GPC5: variants seen among roughly 807,000 people sequenced by gnomAD.
GPC5 encodes the protein glypican-5.
GPC5 carries 47 observed loss-of-function variants against 53.9 expected under a neutral mutation model. That is an observed-to-expected ratio of 0.87 (90% CI 0.69 to 1.11). The LOEUF is 1.11. GPC5 is among the 50% of genes most tolerant of loss of function. GPC5 has a pLI of 0.00. For synonymous variants in GPC5, 286 were observed against 263.3 expected, an observed-to-expected ratio of 1.09 and a Z score of -0.84; for missense variants, 748 against 713.1, an observed-to-expected ratio of 1.05 and a Z score of -0.56.
intron 7 of GPC5, among the ~76,000 whole-genome samples, chr13:92,521,351 G>C (rs1053503081): frequency 2.0e-5 from 3 of 152,108 alleles, no homozygotes; most frequent in Non-Finnish European, 4.4e-5. Flanking sequence ...AAAGCCGGAG[G>C]CATCATGCTA....
intron 6 of GPC5, among the ~76,000 whole-genome samples, chr13:92,128,272 A>G (rs2041715913): frequency 6.6e-6 from 1 of 152,148 alleles, no homozygotes; most frequent in African/African-American, 2.4e-5. Context: ...AGCACCTTTT[A>G]TAGAGAGTGG....
chr13:92,013,408 C>T (rs2040679207), intron 6 of GPC5, among the ~76,000 whole-genome samples: 1 of 152,100 alleles, frequency 6.6e-6, no homozygotes, highest in African/African-American at 2.4e-5. Flanking sequence ...GTCAAGTTGC[C>T]TCTCTCCAGT....
At chr13:91,402,665 C>T (rs1877037039) in intron 1 of GPC5, among the ~76,000 whole-genome samples, 2 of 152,134 alleles carry the variant, frequency 1.3e-5, no homozygotes, top group African/African-American at 4.8e-5. Context: ...CAAATCCAGG[C>T]ACATAGTAAG....
intron 2 of GPC5, among the ~76,000 whole-genome samples, chr13:91,556,272 T>A (rs911327638): frequency 2.0e-5 from 3 of 152,042 alleles, no homozygotes; most frequent in Non-Finnish European, 4.4e-5. Flanking sequence ...TTTCTATTGT[T>A]GAGTACCATA....
At chr13:92,355,023 TTAA>T (rs74265258) in intron 7 of GPC5, among the ~76,000 whole-genome samples, 1,583 of 151,626 alleles carry the variant, frequency 0.01, 15 homozygotes, top group Middle Eastern at 0.021. Flanking sequence ...AATTTAATAT[TTAA>T]TAATCTGCAT....
At chr13:91,487,946 G>A (rs72641403) in intron 2 of GPC5, among the ~76,000 whole-genome samples, 14,537 of 142,504 alleles carry the variant, frequency 0.1, 824 homozygotes, top group East Asian at 0.16. Context: ...TTTTTTTTAC[G>A]GGGATACTTA....
intron 5 of GPC5, among the ~76,000 whole-genome samples, chr13:91,867,217 A>G (rs2039095095): frequency 6.6e-6 from 1 of 152,214 alleles, no homozygotes; most frequent in African/African-American, 2.4e-5. Flanking sequence ...CTCTGTCTCA[A>G]AAAAAGAAAA....
At chr13:91,930,010 C>T (rs981233678) in intron 6 of GPC5, among the ~76,000 whole-genome samples, 1 of 151,914 alleles carries the variant, frequency 6.6e-6, no homozygotes, top group African/African-American at 2.4e-5. Flanking sequence ...TATAAGCTAG[C>T]CTTTGATGGC....
At chr13:92,237,994 G>A (rs35647198) in intron 7 of GPC5, among the ~76,000 whole-genome samples, 24,276 of 151,718 alleles carry the variant, frequency 0.16, 2,369 homozygotes, top group Admixed American at 0.22. Context: ...CATCCATGCC[G>A]TACATTCTCA....
intron 7 of GPC5, among the ~76,000 whole-genome samples, chr13:92,693,733 T>C (rs1206421821): frequency 6.6e-6 from 1 of 151,954 alleles, no homozygotes; most frequent in African/African-American, 2.4e-5. Flanking sequence ...TTGGAAAATT[T>C]ACAGCCTGAC....
intron 7 of GPC5, among the ~76,000 whole-genome samples, chr13:92,504,975 TTA>T (rs150662924): frequency 0.046 from 6,896 of 150,378 alleles, 263 homozygotes; most frequent in African/African-American, 0.1. Context: ...CTATATATAT[TTA>T]TATATATATA....
At chr13:92,361,993 T>TA (rs900475778) in intron 7 of GPC5, among the ~76,000 whole-genome samples, 2 of 151,624 alleles carry the variant, frequency 1.3e-5, no homozygotes, top group African/African-American at 2.4e-5. Flanking sequence ...TAGGCACATT[T>TA]AAAAAAATCC....
At chr13:92,788,698 A>G (rs921537384) in intron 7 of GPC5, among the ~76,000 whole-genome samples, 6 of 152,186 alleles carry the variant, frequency 3.9e-5, no homozygotes, top group African/African-American at 1.4e-4. Flanking sequence ...TAATACAGAA[A>G]GCAAACATCA....
rs537519086 is a variant in GPC5, at chr13:91,434,903, G to A, written c.164-13858G>A. On this transcript the variant is annotated intron_variant, in intron 1 of 7. Coordinates refer to ENST00000377067, the MANE Select transcript of GPC5 (RefSeq NM_004466.6). ...AGTTCTCCTTGAAGAGGTCCTTCACGTCCCTTGTAAGTTGGATTCCTAGGT... is the reference window on the plus strand; with the variant it reads ...AGTTCTCCTTGAAGAGGTCCTTCACATCCCTTGTAAGTTGGATTCCTAGGT... Among the ~76,000 whole-genome samples, 902 of 152,060 alleles carry A rather than the reference G, an allele frequency of 5.9e-3. 6 individuals are homozygous for A. The highest frequency in any genetic ancestry group is 0.02 in the African/African-American group (828 of 41,496).
intron 2 of GPC5, among the ~76,000 whole-genome samples, chr13:91,493,018 C>T (rs1225933254): frequency 6.6e-6 from 1 of 152,158 alleles, no homozygotes; most frequent in Admixed American, 6.5e-5. Context: ...TTCACTGTTT[C>T]TCAATCACTC....
At chr13:91,806,958 A>G (rs1410460762) in intron 5 of GPC5, among the ~76,000 whole-genome samples, 1 of 152,200 alleles carries the variant, frequency 6.6e-6, no homozygotes, top group Non-Finnish European at 1.5e-5. Flanking sequence ...AATATTCTTA[A>G]TAGAGTTTTA....
intron 6 of GPC5, among the ~76,000 whole-genome samples, chr13:91,942,902 A>G (rs2039941098): frequency 6.6e-6 from 1 of 152,136 alleles, no homozygotes; most frequent in Admixed American, 6.5e-5. Context: ...ATACATATTT[A>G]AGAAAATTAT....
chr13:92,312,127 T>C (rs891703334), intron 7 of GPC5, among the ~76,000 whole-genome samples: 2 of 152,176 alleles, frequency 1.3e-5, no homozygotes, highest in Non-Finnish European at 2.9e-5. Flanking sequence ...AGATTTACTT[T>C]CTTAAGAGGT....
intron 6 of GPC5, among the ~76,000 whole-genome samples, chr13:92,098,959 T>TC (rs1015132932): frequency 4.9e-5 from 2 of 40,650 alleles, no homozygotes; most frequent in Non-Finnish European, 1.2e-4. Context: ...TGTTCTTGCC[T>TC]TTTTTTTTTT....
Sources: allele counts gnomAD v4.1 joint callset (sites outside exome capture counted in the v4.1 genomes callset), GRCh38; gene constraint gnomAD v4.1.1; transcripts MANE v1.5; gene names NCBI Gene and HGNC (gene_info 2026-07-23, HGNC 2026-07-21).